GNG7: variants seen among roughly 807,000 people sequenced by gnomAD.
GNG7 encodes G protein subunit gamma 7, also known as guanine nucleotide-binding protein G(I)/G(S)/G(O) subunit gamma-7.
Under a neutral mutation model 4.0 loss-of-function variants are expected in GNG7, and 1 was observed. That is an observed-to-expected ratio of 0.25 (90% CI 0.09 to 1.18). The LOEUF (loss-of-function observed/expected upper bound fraction) is 1.18, where lower values mean the gene tolerates loss of function less well. Among genes scored for constraint, GNG7 ranks in the 50% most tolerant of loss-of-function variants. The pLI is 0.50. For synonymous variants in GNG7, 34 were observed against 36.9 expected, an observed-to-expected ratio of 0.92 and a Z score of 0.29; for missense variants, 86 against 91.9, an observed-to-expected ratio of 0.94 and a Z score of 0.26.
Position 2,511,886 on chromosome 19 carries a change from C to T in GNG7, c.*3136G>A. 15 of 986,350 alleles carry T rather than the reference C, an allele frequency of 1.5e-5. No homozygotes were observed. Among genetic ancestry groups the T allele is most frequent in the Non-Finnish European group, 1.7e-5 (14 of 830,336 alleles). The allele number at this position is 986,350 out of a possible 1,614,324, so 61.1% of individuals were successfully genotyped here. The stretch of plus-strand genomic sequence containing the variant: ...GAGGGGTGAGGGTTCTGGCTCCTTC[C>T]TGGAGAGAGGAGGGCAGGGGAGGCG... On this transcript the variant is annotated 3_prime_UTR_variant, in exon 5 of 5. Coordinates refer to ENST00000382159, the MANE Select transcript of GNG7 (RefSeq NM_052847.3). The surrounding 1 kb of genome is among the most constrained non-coding windows in gnomAD (Gnocchi z 6.3).
In GNG7 at chr19:2,522,502, C is replaced by T. The variant is rs56707334; in HGVS notation, c.-37-1777G>A. ...TAAGAAGGAAAGGACTGGCCGGGCGCGGTGGCTCACGCCTGTAATCCCAGC... is the reference window on the plus strand; with the variant it reads ...TAAGAAGGAAAGGACTGGCCGGGCGTGGTGGCTCACGCCTGTAATCCCAGC... On this transcript the variant is annotated intron_variant, in intron 3 of 4. Transcript: ENST00000382159. Among the ~76,000 whole-genome samples the T allele has an allele frequency of 6.6e-3, 1,008 of 151,746 alleles. 12 individuals are homozygous for T. The highest frequency in any genetic ancestry group is 0.023 in the African/African-American group (960 of 41,388).
intron 3 of GNG7, among the ~76,000 whole-genome samples, chr19:2,553,839 TATTGCATACATGTACATATTATATGTAAC>T (rs1568241319): frequency 4.1e-5 from 6 of 147,176 alleles, no homozygotes; most frequent in East Asian, 3.9e-4. Flanking sequence ...TTATATGTAA[TATTGCATACATGTACATATTATATGTAAC>T]ATTGCATACA....
intron 2 of GNG7, among the ~76,000 whole-genome samples, chr19:2,603,059 T>TTTCTG (rs943746706): frequency 3.3e-5 from 5 of 151,276 alleles, no homozygotes; most frequent in African/African-American, 9.7e-5. Context: ...CTTTTTCTCT[T>TTTCTG]TTCTGTTCTG....
chr19:2,568,749 CAT>C (rs1382659379), intron 2 of GNG7, among the ~76,000 whole-genome samples: 1 of 151,546 alleles, frequency 6.6e-6, no homozygotes, highest in Non-Finnish European at 1.5e-5. Context: ...TACATACACA[CAT>C]ACACACATAC....
At chr19:2,672,981 G>C (rs1983494197) in intron 1 of GNG7, among the ~76,000 whole-genome samples, 1 of 152,058 alleles carries the variant, frequency 6.6e-6, no homozygotes. Context: ...GGTTGGCCGG[G>C]TGCGGTGGTT....
intron 2 of GNG7, among the ~76,000 whole-genome samples, chr19:2,620,245 G>A (rs1458238353): frequency 4.5e-5 from 6 of 132,066 alleles, no homozygotes; most frequent in Non-Finnish European, 8.1e-5. Flanking sequence ...GGGAGGGGAG[G>A]GGAGGGGAGG....
chr19:2,553,564 GTAA>G (rs539945660), intron 3 of GNG7, among the ~76,000 whole-genome samples: 42 of 148,756 alleles, frequency 2.8e-4, no homozygotes, highest in African/African-American at 9.6e-4. Context: ...AATATCACAT[GTAA>G]TAAATCATAT....
intron 3 of GNG7, among the ~76,000 whole-genome samples, chr19:2,533,180 TAA>T (rs922031112): frequency 6.7e-6 from 1 of 150,142 alleles, no homozygotes; most frequent in African/African-American, 2.4e-5. Context: ...TCTAAAAAAA[TAA>T]AAGATAATAC....
chr19:2,538,671 C>G, intron 3 of GNG7: 1 of 456,552 alleles, frequency 2.2e-6, no homozygotes. Flanking sequence ...ATTTTACTTA[C>G]AAGGTTCACT....
chr19:2,677,392 G>C (rs1259778221), intron 1 of GNG7, among the ~76,000 whole-genome samples: 1 of 152,136 alleles, frequency 6.6e-6, no homozygotes, highest in East Asian at 1.9e-4. Flanking sequence ...GGCGTGGAGT[G>C]GGTGGAGGCC....
chr19:2,527,101 C>T (rs1346833248), intron 3 of GNG7, among the ~76,000 whole-genome samples: 1 of 152,244 alleles, frequency 6.6e-6, no homozygotes, highest in African/African-American at 2.4e-5. Flanking sequence ...GCCTCAGCCT[C>T]CCAAAGTGCT....
chr19:2,692,054 C>A (rs968410953), intron 1 of GNG7, among the ~76,000 whole-genome samples: 6 of 152,130 alleles, frequency 3.9e-5, no homozygotes, highest in Non-Finnish European at 7.4e-5. Flanking sequence ...CTGCTCACAC[C>A]GTGACTTCAG....
chr19:2,577,215 C>T (rs757252762), intron 2 of GNG7, among the ~76,000 whole-genome samples: 9 of 152,250 alleles, frequency 5.9e-5, no homozygotes, highest in African/African-American at 1.7e-4. Flanking sequence ...GTCAGGAGTC[C>T]GGGAACAGCC....
intron 2 of GNG7, among the ~76,000 whole-genome samples, chr19:2,584,087 C>T (rs1472396923): frequency 6.6e-6 from 1 of 151,920 alleles, no homozygotes; most frequent in Non-Finnish European, 1.5e-5. Flanking sequence ...ATTTCTGGAG[C>T]ATCTTTTTGG....
chr19:2,661,290 GAA>G (rs1167587056), intron 1 of GNG7, among the ~76,000 whole-genome samples: 71 of 47,596 alleles, frequency 1.5e-3, no homozygotes, highest in Admixed American at 4.4e-3. Flanking sequence ...AAGAAAGAAA[GAA>G]AGAAAGAAAG....
At chr19:2,571,556 G>C (rs1004971678) in intron 2 of GNG7, among the ~76,000 whole-genome samples, 1 of 146,374 alleles carries the variant, frequency 6.8e-6, no homozygotes, top group African/African-American at 2.5e-5. Flanking sequence ...AGAGTTATCA[G>C]ATGTGTGGTC....
chr19:2,671,749 A>C (rs1225061990), intron 1 of GNG7, among the ~76,000 whole-genome samples: 1 of 152,016 alleles, frequency 6.6e-6, no homozygotes, highest in Non-Finnish European at 1.5e-5. Context: ...TTCTATTGTA[A>C]AATCTCCTGA....
At chr19:2,552,959 C>T (rs1261934247) in intron 3 of GNG7, among the ~76,000 whole-genome samples, 2 of 147,206 alleles carry the variant, frequency 1.4e-5, no homozygotes, top group Admixed American at 1.4e-4. Context: ...AAAGGAAGAA[C>T]GAAGGCAGCC....
At chr19:2,549,828 A>G (rs554136522) in intron 3 of GNG7, among the ~76,000 whole-genome samples, 7 of 152,098 alleles carry the variant, frequency 4.6e-5, no homozygotes, top group Non-Finnish European at 8.8e-5. Flanking sequence ...GTTGTGCACA[A>G]AGTTCCTTGT....
Sources: allele counts gnomAD v4.1 joint callset (sites outside exome capture counted in the v4.1 genomes callset), GRCh38; gene constraint gnomAD v4.1.1; non-coding constraint Gnocchi (gnomAD v3.1); transcripts MANE v1.5; gene names NCBI Gene and HGNC (gene_info 2026-07-23, HGNC 2026-07-21).